The following XKR9 variants were observed in gnomAD, a reference collection of about 807,000 sequenced individuals.
XKR9 encodes the protein XK-related protein 9.
A neutral mutation model predicts 32.0 loss-of-function variants in XKR9; 32 were observed. That is an observed-to-expected ratio of 1.00 (90% CI 0.76 to 1.34). The LOEUF (loss-of-function observed/expected upper bound fraction) is 1.34. Ranked by LOEUF, XKR9 falls within the 40% of genes most tolerant of loss-of-function variation. The pLI is 0.00. For synonymous variants in XKR9, 168 were observed against 143.4 expected (o/e 1.17, Z -1.22); for missense variants, 546 against 429.7 (o/e 1.27, Z -2.39).
chr8:70,811,884 C>A, the XKR9 span, among the ~76,000 whole-genome samples: 1 of 151,976 alleles, frequency 6.6e-6, no homozygotes, highest in Non-Finnish European at 1.5e-5. Context: ...TGGTACCATT[C>A]CTTCTGAAAC....
At chr8:70,766,212 T>C (rs2130220467) in intron 2 of XKR9, among the ~76,000 whole-genome samples, 1 of 152,278 alleles carries the variant, frequency 6.6e-6, no homozygotes, top group South Asian at 2.1e-4. Context: ...GCCATTTTCA[T>C]GGTATTGATT....
At chr8:70,902,449 CTGTT>C in the XKR9 span, among the ~76,000 whole-genome samples, 2 of 152,178 alleles carry the variant, frequency 1.3e-5, no homozygotes, top group East Asian at 1.9e-4. Context: ...ATTTGGCTCT[CTGTT>C]TGTCTGTTCT....
the XKR9 span, among the ~76,000 whole-genome samples, chr8:70,826,868 T>G: frequency 6.6e-6 from 1 of 152,150 alleles, no homozygotes; most frequent in Admixed American, 6.5e-5. Flanking sequence ...CTATTTTAAG[T>G]GTAGTTTAAA....
the XKR9 span, among the ~76,000 whole-genome samples, chr8:70,856,706 T>C: frequency 6.6e-6 from 1 of 152,116 alleles, no homozygotes; most frequent in Non-Finnish European, 1.5e-5. Context: ...ATTCCAAAAT[T>C]GACCACATAG....
the XKR9 span, among the ~76,000 whole-genome samples, chr8:71,001,950 G>T: frequency 2.2e-4 from 34 of 152,266 alleles, no homozygotes; most frequent in Admixed American, 8.5e-4. Context: ...GCTGTTCAGA[G>T]AATACATGAG....
At chr8:71,065,763 A>G in the XKR9 span, among the ~76,000 whole-genome samples, 1 of 152,344 alleles carries the variant, frequency 6.6e-6, no homozygotes, top group Non-Finnish European at 1.5e-5. Flanking sequence ...CCTGTGGGGC[A>G]TCTTAGTTTC....
the XKR9 span, among the ~76,000 whole-genome samples, chr8:71,025,431 C>A: frequency 1.3e-3 from 199 of 152,324 alleles, no homozygotes; most frequent in African/African-American, 4.6e-3. Flanking sequence ...AGAAAACAAG[C>A]ACTTGAATAT....
At chr8:70,916,917 T>C in the XKR9 span, among the ~76,000 whole-genome samples, 2 of 152,140 alleles carry the variant, frequency 1.3e-5, no homozygotes, top group Non-Finnish European at 2.9e-5. Context: ...GTACTTTATG[T>C]TTTTAATGCT....
chr8:70,922,432 G>C, the XKR9 span, among the ~76,000 whole-genome samples: 1 of 152,146 alleles, frequency 6.6e-6, no homozygotes, highest in Admixed American at 6.5e-5. Context: ...TCCCCTTTTG[G>C]GGGGATAATT....
At chr8:71,065,495 G>C in the XKR9 span, among the ~76,000 whole-genome samples, 1 of 152,220 alleles carries the variant, frequency 6.6e-6, no homozygotes, top group Non-Finnish European at 1.5e-5. Context: ...AACATGTGTT[G>C]TTTAAGCCAC....
the XKR9 span, among the ~76,000 whole-genome samples, chr8:70,945,006 A>C: frequency 6.6e-6 from 1 of 152,164 alleles, no homozygotes; most frequent in Non-Finnish European, 1.5e-5. Flanking sequence ...TAGGTAAGAC[A>C]AAAAAATGCC....
chr8:71,043,682 G>C, the XKR9 span, among the ~76,000 whole-genome samples: 4 of 152,134 alleles, frequency 2.6e-5, no homozygotes, highest in African/African-American at 4.8e-5. Context: ...GTAAACCTAA[G>C]ACCTTTTGCT....
chr8:70,740,740 C>T (rs566330529), downstream of XKR9, among the ~76,000 whole-genome samples: 1 of 152,224 alleles, frequency 6.6e-6, no homozygotes, highest in Non-Finnish European at 1.5e-5. Flanking sequence ...ACTCCAGACC[C>T]TGTTTGCCTG....
the XKR9 span, among the ~76,000 whole-genome samples, chr8:70,962,633 T>C: frequency 6.6e-6 from 1 of 152,252 alleles, no homozygotes; most frequent in African/African-American, 2.4e-5. Flanking sequence ...GTTGATTCCA[T>C]GTCTTTGCCA....
At chr8:71,042,792 C>A in the XKR9 span, among the ~76,000 whole-genome samples, 19 of 152,252 alleles carry the variant, frequency 1.2e-4, no homozygotes, top group African/African-American at 4.6e-4. Context: ...AGTCTAAATC[C>A]AAGGTCCTTC....
the XKR9 span, among the ~76,000 whole-genome samples, chr8:71,020,558 ACAT>A: frequency 2.6e-5 from 4 of 152,202 alleles, no homozygotes; most frequent in Admixed American, 6.5e-5. Flanking sequence ...ATAGAACACA[ACAT>A]CATCATCATC....
chr8:70,850,255 A>G, the XKR9 span, among the ~76,000 whole-genome samples: 2 of 151,940 alleles, frequency 1.3e-5, no homozygotes, highest in African/African-American at 4.8e-5. Context: ...AGGTCAGGAG[A>G]TAGAGACCAT....
intron 2 of XKR9, among the ~76,000 whole-genome samples, chr8:70,770,033 A>G (rs1439594373): frequency 6.6e-6 from 1 of 151,868 alleles, no homozygotes; most frequent in African/African-American, 2.4e-5. Context: ...TGGTTTTTGG[A>G]ATTTTCAGCC....
the XKR9 span, among the ~76,000 whole-genome samples, chr8:70,851,453 A>C: frequency 6.6e-6 from 1 of 152,186 alleles, no homozygotes; most frequent in Non-Finnish European, 1.5e-5. Context: ...ATATGGAACC[A>C]AAAAAGACCC....
Sources: gnomAD v4.1 joint callset for allele counts (sites outside exome capture counted in the v4.1 genomes callset) on GRCh38, gnomAD v4.1.1 for gene constraint, MANE v1.5 for transcripts, NCBI Gene and HGNC (gene_info 2026-07-23, HGNC 2026-07-21) for gene names.